Variants in AFF3 observed in about 807,000 individuals in gnomAD.
AFF3 encodes AF4/FMR2 family member 3.
A neutral mutation model predicts 129.7 loss-of-function variants in AFF3; 32 were observed. The observed-to-expected ratio is 0.25, with a 90% CI of 0.19 to 0.33. AFF3 has a LOEUF of 0.33. Ranked by LOEUF, AFF3 falls within the 10% of genes least tolerant of loss-of-function variation. AFF3 has a pLI of 1.00. For synonymous variants in AFF3, 644 were observed against 635.4 expected (o/e 1.01, Z -0.20); for missense variants, 1,373 against 1,592.0 (o/e 0.86, Z 2.34).
chr2:100,122,839 C>T (rs935116648), intron 2 of AFF3, among the ~76,000 whole-genome samples: 6 of 152,198 alleles, frequency 3.9e-5, no homozygotes, highest in Admixed American at 3.9e-4. Flanking sequence ...ACAAAGAAAA[C>T]TATTTAACTT....
At chr2:100,056,095 A>G (rs1686763841) in intron 4 of AFF3, among the ~76,000 whole-genome samples, 1 of 151,392 alleles carries the variant, frequency 6.6e-6, no homozygotes, top group Admixed American at 6.6e-5. Context: ...ACACACACAC[A>G]CACACACACA....
intron 8 of AFF3, among the ~76,000 whole-genome samples, chr2:99,798,682 T>C (rs1188804012): frequency 6.6e-6 from 1 of 151,944 alleles, no homozygotes; most frequent in Non-Finnish European, 1.5e-5. Context: ...TTAAGGTAGA[T>C]CTTAACGCAG....
At chr2:99,918,175 CT>C (rs1695607962) in intron 7 of AFF3, among the ~76,000 whole-genome samples, 1 of 152,046 alleles carries the variant, frequency 6.6e-6, no homozygotes, top group African/African-American at 2.4e-5. Context: ...ATTTTTCCCC[CT>C]GGCTTGCCCT....
intron 7 of AFF3, among the ~76,000 whole-genome samples, chr2:99,850,846 T>C (rs990403758): frequency 3.9e-5 from 6 of 152,220 alleles, no homozygotes; most frequent in African/African-American, 9.6e-5. Flanking sequence ...TAAGAGTCAT[T>C]ATAGCAGCTA....
chr2:100,129,481 G>A (rs1417310772), intron 1 of AFF3, among the ~76,000 whole-genome samples, 175 bp from the exon 2 acceptor site: 1 of 151,528 alleles, frequency 6.6e-6, no homozygotes, highest in African/African-American at 2.4e-5. Flanking sequence ...ATTCTGCTGG[G>A]CAATTTACTC....
intron 7 of AFF3, among the ~76,000 whole-genome samples, chr2:99,912,407 C>T (rs1434222589): frequency 2.6e-5 from 4 of 152,100 alleles, no homozygotes; most frequent in South Asian, 2.1e-4. Flanking sequence ...TTCCAAATAC[C>T]GCATAACTTG....
chr2:99,983,813 A>G (rs1390374664), intron 7 of AFF3, among the ~76,000 whole-genome samples: 1 of 152,210 alleles, frequency 6.6e-6, no homozygotes, highest in African/African-American at 2.4e-5. Context: ...CAGAAGGTTT[A>G]GAGTTTTGCA....
intron 7 of AFF3, among the ~76,000 whole-genome samples, chr2:99,931,297 T>C (rs17023314): frequency 0.13 from 19,737 of 152,270 alleles, 3,691 homozygotes; most frequent in African/African-American, 0.42. Flanking sequence ...GTGAGCTGCT[T>C]TCTCTGCAGG....
chr2:99,934,292 C>A (rs894092068), intron 7 of AFF3, among the ~76,000 whole-genome samples: 9 of 152,134 alleles, frequency 5.9e-5, no homozygotes, highest in African/African-American at 2.2e-4. Context: ...TCACACTGAA[C>A]ACTGACCCGA....
intron 2 of AFF3, chr2:100,106,512 A>C: frequency 3.0e-6 from 3 of 1,002,818 alleles, no homozygotes; most frequent in Non-Finnish European, 3.6e-6. Context: ...TGCTTTGGCG[A>C]AAGTGAGATC....
At chr2:99,949,270 C>T (rs1464193138) in intron 7 of AFF3, among the ~76,000 whole-genome samples, 5 of 152,144 alleles carry the variant, frequency 3.3e-5, no homozygotes, top group Non-Finnish European at 5.9e-5. Flanking sequence ...ATTCATATAT[C>T]TAAACTGTTT....
At chr2:99,888,850 T>G (rs886279434) in intron 7 of AFF3, among the ~76,000 whole-genome samples, 5 of 152,160 alleles carry the variant, frequency 3.3e-5, no homozygotes, top group African/African-American at 1.2e-4. Flanking sequence ...AGACACTTAA[T>G]CAATAGCAGT....
intron 14 of AFF3, 50 bp downstream of exon 14, chr2:99,601,385 C>T: frequency 6.6e-7 from 1 of 1,507,376 alleles, no homozygotes; most frequent in Non-Finnish European, 8.9e-7. Context: ...TTGCTATCCT[C>T]ATAGAGACAG....
At chr2:99,973,239 C>T (rs1177398642) in intron 7 of AFF3, among the ~76,000 whole-genome samples, 4 of 152,188 alleles carry the variant, frequency 2.6e-5, no homozygotes, top group African/African-American at 9.7e-5. Context: ...CTCTGGTCTA[C>T]GCCTCCTTAT....
intron 9 of AFF3, among the ~76,000 whole-genome samples, chr2:99,745,322 T>C (rs1382052607): frequency 1.3e-5 from 2 of 152,216 alleles, no homozygotes. Context: ...CTGTCAATTG[T>C]CTTTTCATTT....
At chr2:99,789,192 T>C (rs1257466016) in intron 8 of AFF3, among the ~76,000 whole-genome samples, 1 of 152,120 alleles carries the variant, frequency 6.6e-6, no homozygotes, top group Non-Finnish European at 1.5e-5. Flanking sequence ...TCCAACTCTT[T>C]GGGAGGCCAA....
At chr2:99,997,623 T>C (rs554110370) in intron 7 of AFF3, among the ~76,000 whole-genome samples, 2 of 152,102 alleles carry the variant, frequency 1.3e-5, no homozygotes, top group South Asian at 2.1e-4. Flanking sequence ...AACCCTTCAA[T>C]GGCTCCCAAT....
At chr2:100,065,268 G>A (rs779355337) in intron 4 of AFF3, among the ~76,000 whole-genome samples, 1 of 152,104 alleles carries the variant, frequency 6.6e-6, no homozygotes, top group African/African-American at 2.4e-5. Flanking sequence ...TTTTTAAAAG[G>A]ATATAAATGA....
At chr2:100,092,307 C>T (rs968057042) in intron 4 of AFF3, among the ~76,000 whole-genome samples, 26 of 152,030 alleles carry the variant, frequency 1.7e-4, no homozygotes, top group Middle Eastern at 3.4e-3. Flanking sequence ...TGAATACTGT[C>T]TGTGTCATGC....
Sources: allele counts gnomAD v4.1 joint callset (sites outside exome capture counted in the v4.1 genomes callset), GRCh38; gene constraint gnomAD v4.1.1; transcripts MANE v1.5; gene names NCBI Gene and HGNC (gene_info 2026-07-23, HGNC 2026-07-21).